Variants in CEP128 observed in about 807,000 individuals in gnomAD.
CEP128 encodes centrosomal protein 128kDa.
Under a neutral mutation model 156.7 loss-of-function variants are expected in CEP128, and 132 were observed. The ratio of observed to expected loss-of-function variants is 0.84; its 90% confidence interval spans 0.73 to 0.97. The LOEUF (loss-of-function observed/expected upper bound fraction) is 0.97, where lower values mean the gene tolerates loss of function less well. Ranked by LOEUF, CEP128 falls within the 50% of genes least tolerant of loss-of-function variation. CEP128 has a pLI of 0.00. For synonymous variants in CEP128, 469 were observed against 448.9 expected, an observed-to-expected ratio of 1.04 and a Z score of -0.57; for missense variants, 1,252 against 1,281.9, an observed-to-expected ratio of 0.98 and a Z score of 0.36.
chr14:80,946,580 TA>T (rs1339014512), upstream of CEP128, among the ~76,000 whole-genome samples: 2 of 151,982 alleles, frequency 1.3e-5, no homozygotes, highest in African/African-American at 4.8e-5. Context: ...AACTAATCAA[TA>T]AAAAGGTTCT....
chr14:80,701,245 G>T (rs917782017), intron 19 of CEP128, among the ~76,000 whole-genome samples: 1 of 152,146 alleles, frequency 6.6e-6, no homozygotes, highest in Non-Finnish European at 1.5e-5. Context: ...AAGGGAAGTA[G>T]AGGCAGCTGA....
intron 19 of CEP128, among the ~76,000 whole-genome samples, chr14:80,628,041 T>C (rs1893805844): frequency 6.6e-6 from 1 of 152,180 alleles, no homozygotes; most frequent in African/African-American, 2.4e-5. Flanking sequence ...GGAGTAAGCG[T>C]ACTAGTGAAA....
chr14:80,487,138 G>A (rs990727387), downstream of CEP128, among the ~76,000 whole-genome samples: 17 of 152,064 alleles, frequency 1.1e-4, no homozygotes, highest in Admixed American at 2.0e-4. Context: ...CCCATCTCAC[G>A]TGCAGAGACA....
intron 20 of CEP128, among the ~76,000 whole-genome samples, chr14:80,575,929 A>C (rs952500275): frequency 2.0e-5 from 3 of 152,212 alleles, no homozygotes; most frequent in African/African-American, 7.2e-5. Flanking sequence ...CATTTCAAAT[A>C]AAATGAAAAG....
At chr14:80,843,653 A>G (rs772079504) in intron 9 of CEP128, among the ~76,000 whole-genome samples, 6 of 152,096 alleles carry the variant, frequency 3.9e-5, no homozygotes, top group South Asian at 2.1e-4. Context: ...TTTTAAGCTT[A>G]ACAGAATATG....
intron 16 of CEP128, among the ~76,000 whole-genome samples, chr14:80,772,255 AT>A (rs942783180): frequency 1.8e-4 from 27 of 152,112 alleles, no homozygotes; most frequent in African/African-American, 5.1e-4. Flanking sequence ...CCCTGGCTCC[AT>A]GAGCAGAAAA....
At chr14:80,858,507 C>A (rs2140144589) in intron 9 of CEP128, among the ~76,000 whole-genome samples, 1 of 116,750 alleles carries the variant, frequency 8.6e-6, no homozygotes, top group Non-Finnish European at 1.7e-5. Flanking sequence ...ATGTCTAAAA[C>A]ACCAAAAGCA....
chr14:80,605,275 T>C (rs761397471), intron 19 of CEP128, among the ~76,000 whole-genome samples: 4 of 152,052 alleles, frequency 2.6e-5, no homozygotes, highest in South Asian at 2.1e-4. Flanking sequence ...TGGCTCAATG[T>C]GTATGAGTAA....
At chr14:80,818,587 C>CT (rs1002416810) in intron 13 of CEP128, among the ~76,000 whole-genome samples, 2 of 152,220 alleles carry the variant, frequency 1.3e-5, no homozygotes, top group Non-Finnish European at 2.9e-5. Context: ...AGTTTACAGT[C>CT]TTTGCAACTA....
intron 19 of CEP128, among the ~76,000 whole-genome samples, chr14:80,643,380 T>A (rs1894501501): frequency 6.6e-6 from 1 of 152,044 alleles, no homozygotes; most frequent in Non-Finnish European, 1.5e-5. Flanking sequence ...CTGGGAGGCC[T>A]CTGCAAATGT....
At chr14:80,618,980 C>T (rs539577656) in intron 19 of CEP128, among the ~76,000 whole-genome samples, 159 of 152,310 alleles carry the variant, frequency 1.0e-3, no homozygotes, top group Non-Finnish European at 1.8e-3. Context: ...AAATTATCTT[C>T]CCTGATCCAG....
At chr14:80,790,232 AAACAAC>A (rs756910892) in intron 14 of CEP128, among the ~76,000 whole-genome samples, 1 of 152,106 alleles carries the variant, frequency 6.6e-6, no homozygotes, top group African/African-American at 2.4e-5. Flanking sequence ...AAACAAAACA[AAACAAC>A]AACAACAACA....
At chr14:80,930,326 G>A (rs548239952) in intron 2 of CEP128, among the ~76,000 whole-genome samples, 16 of 152,126 alleles carry the variant, frequency 1.1e-4, no homozygotes, top group East Asian at 1.9e-4. Flanking sequence ...ACTTCAGTCC[G>A]CACATGGCCC....
At chr14:80,496,226 G>T (rs1191329746), downstream of CEP128, among the ~76,000 whole-genome samples, 1 of 152,108 alleles carries the variant, frequency 6.6e-6, no homozygotes, top group African/African-American at 2.4e-5. Flanking sequence ...CTCGATAAAA[G>T]ATTTTTGAAA....
intron 19 of CEP128, among the ~76,000 whole-genome samples, chr14:80,641,486 C>T (rs1021525108): frequency 2.0e-5 from 3 of 152,206 alleles, no homozygotes; most frequent in Admixed American, 1.3e-4. Flanking sequence ...GTTGTATGGC[C>T]TGTGCCCTAT....
chr14:80,603,780 A>T (rs1265611799), intron 19 of CEP128, among the ~76,000 whole-genome samples: 1 of 152,190 alleles, frequency 6.6e-6, no homozygotes, highest in Non-Finnish European at 1.5e-5. Context: ...AAGAGAGAAA[A>T]TAATTGAGTA....
chr14:80,633,111 C>G (rs1026072889), intron 19 of CEP128, among the ~76,000 whole-genome samples: 9 of 151,830 alleles, frequency 5.9e-5, no homozygotes, highest in African/African-American at 2.2e-4. Flanking sequence ...TCTGTAGTCC[C>G]AGCTATTCTG....
At chr14:80,786,192 C>T (rs149912444) in intron 14 of CEP128, among the ~76,000 whole-genome samples, 1 of 152,126 alleles carries the variant, frequency 6.6e-6, no homozygotes. Context: ...CTATGCCAGC[C>T]TCTCTAAGAT....
At chr14:80,574,415 A>T (rs1891270548) in intron 20 of CEP128, among the ~76,000 whole-genome samples, 1 of 152,204 alleles carries the variant, frequency 6.6e-6, no homozygotes, top group Non-Finnish European at 1.5e-5. Flanking sequence ...GCAAAACCAC[A>T]GAAATTATCC....
Sources: gnomAD v4.1 joint callset for allele counts (sites outside exome capture counted in the v4.1 genomes callset) on GRCh38, gnomAD v4.1.1 for gene constraint, MANE v1.5 for transcripts, NCBI Gene and HGNC (gene_info 2026-07-23, HGNC 2026-07-21) for gene names.